ADAMTSL3: variants seen among roughly 807,000 people sequenced by gnomAD.
ADAMTSL3 encodes ADAMTS like 3, also known as ADAMTS-like protein 3.
In ADAMTSL3, 128 loss-of-function variants were observed where a neutral mutation model predicts 201.7. The ratio of observed to expected loss-of-function variants is 0.63; its 90% CI spans 0.55 to 0.73. The LOEUF is 0.73. Among genes scored for constraint, ADAMTSL3 ranks in the 30% least tolerant of loss-of-function variants. The probability of loss-of-function intolerance (pLI) is 0.00; values close to 1 mark genes in which losing one functional copy is unlikely to be tolerated. For missense variants in ADAMTSL3, 1,990 were observed against 2,119.6 expected, an observed-to-expected ratio of 0.94 and a Z score of 1.20; for synonymous variants, 738 against 748.4, an observed-to-expected ratio of 0.99 and a Z score of 0.23.
Position 83,897,856 on chromosome 15 carries a change from A to G in ADAMTSL3, c.1468-2A>G. On this transcript the variant is annotated splice_acceptor_variant, in intron 13 of 29. Transcript: ENST00000286744. LOFTEE classifies it high-confidence loss of function. The stretch of plus-strand genomic sequence containing the variant: ...CGTTGGCTTCTCTTTTCTTCTTTGA[A>G]GTGCACAGTGACTTGTGGCCGAGGG... The G allele has an allele frequency of 1.3e-6, 2 of 1,587,946 alleles. No homozygotes were observed. The highest frequency in any genetic ancestry group is 1.7e-6 in the Non-Finnish European group (2 of 1,165,466).
chr15:83,701,919 G>A (rs2194954), intron 2 of ADAMTSL3, among the ~76,000 whole-genome samples: 41,751 of 152,042 alleles, frequency 0.27, 5,947 homozygotes, highest in South Asian at 0.49. Flanking sequence ...GGTTGGAACA[G>A]TTTGGAGGGC....
At chr15:83,900,875 CT>C in intron 15 of ADAMTSL3, among the ~76,000 whole-genome samples, 1 of 152,162 alleles carries the variant, frequency 6.6e-6, no homozygotes, top group Admixed American at 6.5e-5. Flanking sequence ...AGAGCTTTGT[CT>C]TTCCCAAGTT....
At chr15:83,853,847 A>G (rs1477220331) in intron 7 of ADAMTSL3, among the ~76,000 whole-genome samples, 2 of 152,060 alleles carry the variant, frequency 1.3e-5, no homozygotes, top group African/African-American at 4.8e-5. Context: ...CATTTTTTCA[A>G]CTAGATTCAC....
intron 9 of ADAMTSL3, among the ~76,000 whole-genome samples, chr15:83,883,598 C>T (rs909527490): frequency 5.3e-5 from 8 of 151,262 alleles, no homozygotes; most frequent in Non-Finnish European, 1.2e-4. Flanking sequence ...CTTTGTTTCC[C>T]AGACTGGAGT....
At chr15:83,712,391 C>T (rs2061945055) in intron 3 of ADAMTSL3, among the ~76,000 whole-genome samples, 1 of 152,218 alleles carries the variant, frequency 6.6e-6, no homozygotes. Context: ...CAGGCCTCAC[C>T]AGTGGAGGCT....
At chr15:83,865,970 A>C (rs1176236945) in intron 8 of ADAMTSL3, among the ~76,000 whole-genome samples, 2 of 152,232 alleles carry the variant, frequency 1.3e-5, no homozygotes, top group Non-Finnish European at 2.9e-5. Flanking sequence ...GACACTTCTC[A>C]AAAGAAGACA....
chr15:83,925,609 C>G (rs1011779838), intron 17 of ADAMTSL3, among the ~76,000 whole-genome samples: 1 of 152,172 alleles, frequency 6.6e-6, no homozygotes. Flanking sequence ...GTCAAGACAT[C>G]TACTTTGTCA....
At chr15:84,023,701 C>G (rs947635352) in intron 26 of ADAMTSL3, among the ~76,000 whole-genome samples, 1 of 152,118 alleles carries the variant, frequency 6.6e-6, no homozygotes, top group African/African-American at 2.4e-5. Context: ...TCTTGTTTCT[C>G]GAATATTCTA....
intron 3 of ADAMTSL3, among the ~76,000 whole-genome samples, chr15:83,738,752 C>A (rs1292541588): frequency 6.6e-6 from 1 of 151,662 alleles, no homozygotes; most frequent in Non-Finnish European, 1.5e-5. Context: ...AAAAATTAGC[C>A]AGGCATGGTG....
chr15:83,658,022 G>A (rs757190707), intron 2 of ADAMTSL3, among the ~76,000 whole-genome samples: 22 of 152,228 alleles, frequency 1.4e-4, no homozygotes, highest in Non-Finnish European at 3.1e-4. Context: ...CTGCCACCAA[G>A]GTGGTTGTTA....
intron 5 of ADAMTSL3, among the ~76,000 whole-genome samples, chr15:83,812,415 G>A (rs1328972854): frequency 6.6e-6 from 1 of 152,162 alleles, no homozygotes; most frequent in Non-Finnish European, 1.5e-5. Flanking sequence ...GTTGCCTTTA[G>A]TGATTCTAAG....
chr15:83,672,718 G>T (rs992936849), intron 2 of ADAMTSL3, among the ~76,000 whole-genome samples: 2 of 152,214 alleles, frequency 1.3e-5, no homozygotes, highest in African/African-American at 4.8e-5. Context: ...CACTTAGAAT[G>T]CAGAGCCTCG....
intron 2 of ADAMTSL3, among the ~76,000 whole-genome samples, chr15:83,666,728 A>G (rs1188657171): frequency 6.6e-6 from 1 of 152,076 alleles, no homozygotes; most frequent in Non-Finnish European, 1.5e-5. Context: ...CTGTGGTGCC[A>G]GCTACTTGAA....
intron 23 of ADAMTSL3, among the ~76,000 whole-genome samples, chr15:84,011,149 G>C (rs901413100): frequency 6.6e-6 from 1 of 152,122 alleles, no homozygotes; most frequent in Non-Finnish European, 1.5e-5. Context: ...TAGTTGTATT[G>C]CATTTCAAAA....
intron 5 of ADAMTSL3, among the ~76,000 whole-genome samples, chr15:83,817,925 G>A (rs901264623): frequency 3.3e-5 from 5 of 152,128 alleles, no homozygotes; most frequent in African/African-American, 9.7e-5. Flanking sequence ...GCGGGCACCT[G>A]TAATCCCAGC....
intron 7 of ADAMTSL3, among the ~76,000 whole-genome samples, chr15:83,850,826 T>C (rs1239220385): frequency 6.6e-6 from 1 of 152,188 alleles, no homozygotes; most frequent in Non-Finnish European, 1.5e-5. Flanking sequence ...TCACTTCATT[T>C]CTGGTCAGAC....
intron 7 of ADAMTSL3, among the ~76,000 whole-genome samples, chr15:83,856,831 G>A (rs539233711): frequency 3.9e-5 from 6 of 152,232 alleles, no homozygotes; most frequent in Admixed American, 3.9e-4. Flanking sequence ...ATTCCTAGAG[G>A]TGGAATTGCT....
At chr15:83,799,934 A>G (rs1031540725) in intron 4 of ADAMTSL3, among the ~76,000 whole-genome samples, 1 of 152,214 alleles carries the variant, frequency 6.6e-6, no homozygotes, top group Non-Finnish European at 1.5e-5. Flanking sequence ...TAGGATTCCA[A>G]TGTCCTTAAC....
At chr15:83,842,523 T>A (rs1401395053) in intron 7 of ADAMTSL3, among the ~76,000 whole-genome samples, 1 of 152,032 alleles carries the variant, frequency 6.6e-6, no homozygotes, top group African/African-American at 2.4e-5. Context: ...TCCTGTTGCA[T>A]GCCCTGAGAG....
Sources: allele counts gnomAD v4.1 joint callset (sites outside exome capture counted in the v4.1 genomes callset), GRCh38; gene constraint gnomAD v4.1.1; transcripts MANE v1.5; gene names NCBI Gene and HGNC (gene_info 2026-07-23, HGNC 2026-07-21).